L3MBTL4: variants seen among roughly 807,000 people sequenced by gnomAD.
L3MBTL4 encodes lethal(3)malignant brain tumor-like protein 4.
A neutral mutation model predicts 84.5 loss-of-function variants in L3MBTL4; 70 were observed. The observed-to-expected ratio is 0.83, with a 90% confidence interval of 0.68 to 1.01. The LOEUF (loss-of-function observed/expected upper bound fraction) is 1.01. Among genes scored for constraint, L3MBTL4 ranks in the 50% least tolerant of loss-of-function variants. L3MBTL4 has a pLI of 0.00. For synonymous variants in L3MBTL4, 274 were observed against 259.8 expected, an observed-to-expected ratio of 1.05 and a Z score of -0.52; for missense variants, 715 against 754.8, an observed-to-expected ratio of 0.95 and a Z score of 0.62.
At chr18:6,069,177 C>G (rs1327438600) in intron 16 of L3MBTL4, among the ~76,000 whole-genome samples, 2 of 152,208 alleles carry the variant, frequency 1.3e-5, no homozygotes, top group Non-Finnish European at 2.9e-5. Context: ...CTGGATTTCT[C>G]AAATGAGAGT....
intron 16 of L3MBTL4, among the ~76,000 whole-genome samples, chr18:5,973,106 A>G (rs2052737071): frequency 6.6e-6 from 1 of 152,242 alleles, no homozygotes; most frequent in South Asian, 2.1e-4. Context: ...TTGTAATGAT[A>G]GTGAATGTGG....
rs927997978 is a variant in L3MBTL4 at position 6,089,421 on chromosome 18, G to A, written c.1373+3934C>T. Among the ~76,000 whole-genome samples, 12 of 152,088 alleles carry A rather than the reference G, an allele frequency of 7.9e-5. No individual in the cohort carries two copies. In the East Asian group the frequency reaches 1.9e-3, roughly 24 times the overall value. ...AAGTTCTGGAGTATATGTGCAGAAC[G>A]TGCAGGTTCTATTTTCACAAAATAA... is the stretch of plus-strand genomic sequence containing the variant. On this transcript the variant is annotated intron_variant, in intron 15 of 18. Coordinates refer to ENST00000317931, the MANE Select transcript of L3MBTL4 (RefSeq NM_001330559.2).
At chr18:6,294,443 C>A in intron 4 of L3MBTL4, among the ~76,000 whole-genome samples, 1 of 151,924 alleles carries the variant, frequency 6.6e-6, no homozygotes, top group African/African-American at 2.4e-5. Context: ...TTATGCTGAG[C>A]AAAAATCAAA....
intron 16 of L3MBTL4, among the ~76,000 whole-genome samples, chr18:6,067,710 C>A (rs2057446447): frequency 6.6e-6 from 1 of 151,948 alleles, no homozygotes; most frequent in African/African-American, 2.4e-5. Context: ...AAAAAAATTT[C>A]TTTATGTTGT....
At chr18:6,299,524 G>T (rs1023386345) in intron 4 of L3MBTL4, among the ~76,000 whole-genome samples, 4 of 152,148 alleles carry the variant, frequency 2.6e-5, no homozygotes, top group Non-Finnish European at 5.9e-5. Flanking sequence ...AAGTCAAATG[G>T]CCTCTTAAAG....
chr18:6,216,421 G>T (rs1440141316), intron 10 of L3MBTL4, among the ~76,000 whole-genome samples: 1 of 151,740 alleles, frequency 6.6e-6, no homozygotes, highest in Non-Finnish European at 1.5e-5. Context: ...AATTAAATTT[G>T]CTAGAGATCT....
At chr18:6,263,041 G>A (rs368750629) in intron 5 of L3MBTL4, among the ~76,000 whole-genome samples, 3 of 152,174 alleles carry the variant, frequency 2.0e-5, no homozygotes, top group African/African-American at 2.4e-5. Flanking sequence ...TTGGGAGGCC[G>A]AGGCAGGCGG....
intron 1 of L3MBTL4, among the ~76,000 whole-genome samples, chr18:6,408,617 AG>A (rs2055833841): frequency 6.6e-6 from 1 of 151,966 alleles, no homozygotes; most frequent in South Asian, 2.1e-4. Context: ...CAAAGCACTA[AG>A]GGGATTTTCT....
chr18:6,255,706 T>G (rs1049075940), intron 5 of L3MBTL4, among the ~76,000 whole-genome samples: 4 of 152,008 alleles, frequency 2.6e-5, no homozygotes, highest in East Asian at 1.9e-4. Context: ...AATGCTTTTT[T>G]TCCCCCTGGG....
At chr18:6,158,606 T>C (rs2043193832) in intron 13 of L3MBTL4, among the ~76,000 whole-genome samples, 1 of 152,204 alleles carries the variant, frequency 6.6e-6, no homozygotes. Flanking sequence ...CCTTCCTTCA[T>C]GCTGGCATTG....
chr18:6,137,707 G>T (rs548225968), intron 14 of L3MBTL4, among the ~76,000 whole-genome samples: 7 of 152,262 alleles, frequency 4.6e-5, no homozygotes, highest in Admixed American at 2.0e-4. Flanking sequence ...AGCAACATCT[G>T]TTCATATGGA....
intron 16 of L3MBTL4, among the ~76,000 whole-genome samples, chr18:6,051,920 C>A (rs1276503255): frequency 6.6e-6 from 1 of 152,196 alleles, no homozygotes; most frequent in Non-Finnish European, 1.5e-5. Flanking sequence ...GGGGCTGGAA[C>A]AGATATCACA....
chr18:6,005,482 T>C (rs1336072717), intron 16 of L3MBTL4, among the ~76,000 whole-genome samples: 1 of 152,164 alleles, frequency 6.6e-6, no homozygotes, highest in East Asian at 1.9e-4. Flanking sequence ...AGATCTTCTC[T>C]CTCCTCCTAT....
intron 1 of L3MBTL4, among the ~76,000 whole-genome samples, chr18:6,344,743 A>G (rs764937178): frequency 1.7e-4 from 26 of 152,290 alleles, no homozygotes; most frequent in Non-Finnish European, 2.9e-4. Flanking sequence ...AAAATCAATA[A>G]ATGTCATATG....
intron 5 of L3MBTL4, chr18:6,260,596 G>A (rs1014611766): frequency 1.3e-5 from 2 of 152,040 alleles, no homozygotes; most frequent in African/African-American, 2.4e-5. Context: ...AACATTATTG[G>A]TGTATAGAAA....
chr18:6,063,560 C>G (rs901808733), intron 16 of L3MBTL4, among the ~76,000 whole-genome samples: 14 of 151,670 alleles, frequency 9.2e-5, no homozygotes, highest in African/African-American at 3.4e-4. Flanking sequence ...TAGGGCCATT[C>G]TTGCAGGAGT....
At chr18:6,166,533 A>G (rs1167521637) in intron 13 of L3MBTL4, among the ~76,000 whole-genome samples, 1 of 152,208 alleles carries the variant, frequency 6.6e-6, no homozygotes, top group Non-Finnish European at 1.5e-5. Flanking sequence ...CTCACTCAAA[A>G]CTGCTCAACT....
At chr18:6,390,118 A>C (rs1236568749) in intron 1 of L3MBTL4, among the ~76,000 whole-genome samples, 1 of 152,186 alleles carries the variant, frequency 6.6e-6, no homozygotes, top group Non-Finnish European at 1.5e-5. Flanking sequence ...CCACAGTGGA[A>C]TAAAACTAGA....
chr18:6,287,933 C>T (rs1204761761), intron 4 of L3MBTL4, among the ~76,000 whole-genome samples: 1 of 152,176 alleles, frequency 6.6e-6, no homozygotes, highest in African/African-American at 2.4e-5. Context: ...GTCCCAGCTA[C>T]TCAGGAGGCT....
Sources: allele counts gnomAD v4.1 joint callset (sites outside exome capture counted in the v4.1 genomes callset), GRCh38; gene constraint gnomAD v4.1.1; transcripts MANE v1.5; gene names NCBI Gene and HGNC (gene_info 2026-07-23, HGNC 2026-07-21).